The following ACAD10 variants were observed in gnomAD, a reference collection of about 807,000 sequenced individuals.
The protein encoded by ACAD10 is acyl-CoA dehydrogenase family member 10.
ACAD10 carries 112 observed loss-of-function variants against 116.8 expected under a neutral mutation model. The ratio of observed to expected loss-of-function variants is 0.96; its 90% CI spans 0.82 to 1.12. The LOEUF (loss-of-function observed/expected upper bound fraction) is 1.12. ACAD10 is among the 50% of genes most tolerant of loss of function. The pLI is 0.00. For missense variants in ACAD10, 1,259 were observed against 1,350.2 expected (o/e 0.93, Z 1.06); for synonymous variants, 486 against 510.6 (o/e 0.95, Z 0.65).
In ACAD10 at chr12:111,691,594, A is replaced by ATT. The variant is rs56715476; in HGVS notation, c.-13-1085_-13-1084dup. ...GGGAGCTGCTGCAGAAAGGAATGAG[A>ATT]TTTTTTTTTTTTTTTTTTTGAGATG... is the stretch of plus-strand genomic sequence containing the variant. On this transcript the variant is annotated intron_variant, in intron 1 of 20. Coordinates refer to ENST00000313698, the MANE Select transcript of ACAD10 (RefSeq NM_025247.6). 2.1e-3 allele frequency among the ~76,000 whole-genome samples: 282 copies of ATT among 132,192 alleles called. 1 individual carries two copies. The highest frequency in any genetic ancestry group is 7.1e-3 in the African/African-American group (251 of 35,304). The allele number at this position is 132,192 out of a possible 152,430, so 86.7% of individuals were successfully genotyped here. A position where few individuals can be genotyped will look rare whatever the true frequency, so the allele number is the denominator to read the frequency against.
intron 2 of ACAD10, among the ~76,000 whole-genome samples, chr12:111,697,385 G>C (rs1888218746): frequency 7.1e-6 from 1 of 141,216 alleles, no homozygotes; most frequent in Non-Finnish European, 1.5e-5. Flanking sequence ...TTTTGAGACA[G>C]AGCATCATTC....
intron 11 of ACAD10, among the ~76,000 whole-genome samples, chr12:111,736,133 G>A (rs1484680157): frequency 4.6e-5 from 7 of 150,716 alleles, no homozygotes; most frequent in Non-Finnish European, 8.8e-5. Context: ...TGCCCTCCTC[G>A]GCCTCCTAAA....
In ACAD10 at chr12:111,748,744, C is replaced by T. The variant is rs569417749; in HGVS notation, c.2644+269C>T. On this transcript the variant is annotated intron_variant, in intron 17 of 20. Coordinates refer to ENST00000313698, the MANE Select transcript of ACAD10 (RefSeq NM_025247.6). The stretch of plus-strand genomic sequence containing the variant: ...GACACAGGAAGCCATACAGGGCAGA[C>T]GCAGGAAGTGGACCCCAAACCTACT... The T allele has an allele frequency of 2.1e-4, 120 of 558,320 alleles. 2 individuals are homozygous for T. Among genetic ancestry groups the T allele is most frequent in the East Asian group, 1.0e-3 (31 of 29,780 alleles). The allele number at this position is 558,320 out of a possible 1,614,324, so 34.6% of individuals were successfully genotyped here.
chr12:111,748,515 T>TGGTCCC, intron 17 of ACAD10, 40 bp downstream of exon 17: 1 of 1,608,892 alleles, frequency 6.2e-7, no homozygotes, highest in Non-Finnish European at 8.5e-7. Context: ...GGTGTGGGTC[T>TGGTCCC]GGTCCCCAGG....
At chr12:111,746,393 T>G in intron 14 of ACAD10, 109 bp downstream of exon 14, 1 of 1,059,672 alleles carries the variant, frequency 9.4e-7, no homozygotes, top group Non-Finnish European at 1.3e-6. Context: ...AACTTGAACT[T>G]TTTTTTTTTT....
chr12:111,712,073 A>G (rs1888701933), intron 5 of ACAD10, among the ~76,000 whole-genome samples: 1 of 152,206 alleles, frequency 6.6e-6, no homozygotes. Flanking sequence ...AATTAGGACA[A>G]ATACAGAATG....
At chr12:111,730,427 A>G (rs371291949) in intron 10 of ACAD10, among the ~76,000 whole-genome samples, 24 of 151,974 alleles carry the variant, frequency 1.6e-4, no homozygotes, top group African/African-American at 5.3e-4. Context: ...GGACATTCTC[A>G]CTGGGTGTAA....
chr12:111,722,356 GC>G (rs1345983819), intron 8 of ACAD10, among the ~76,000 whole-genome samples: 5 of 150,210 alleles, frequency 3.3e-5, no homozygotes, highest in Non-Finnish European at 5.9e-5. Context: ...AAGCCACCGT[GC>G]CCGGCCCTAA....
At chr12:111,721,368 G>A (rs1300778411) in intron 7 of ACAD10, among the ~76,000 whole-genome samples, 1 of 152,168 alleles carries the variant, frequency 6.6e-6, no homozygotes, top group African/African-American at 2.4e-5. Context: ...AGGAATTTGA[G>A]AACAGCCTGG....
chr12:111,746,084 C>T lies in ACAD10; in HGVS notation c.2116-60C>T, dbSNP rs778502710. On this transcript the variant is annotated intron_variant, in intron 13 of 20. Coordinates refer to ENST00000313698, the MANE Select transcript of ACAD10 (RefSeq NM_025247.6). ...CTCCAATCCCTTTCATTGTTTTCCA[C>T]GGTTCAAAATAAAATGAAATCTTCC... The T allele has an allele frequency of 5.3e-5, 83 of 1,575,592 alleles. 1 individual carries two copies. In the Middle Eastern group the frequency reaches 1.4e-3, roughly 27 times the overall value.
At chr12:111,687,844 C>T (rs1887918966) in intron 1 of ACAD10, among the ~76,000 whole-genome samples, 1 of 151,812 alleles carries the variant, frequency 6.6e-6, no homozygotes, top group Non-Finnish European at 1.5e-5. Context: ...AACGAACATT[C>T]TTTATCTCTT....
intron 10 of ACAD10, among the ~76,000 whole-genome samples, chr12:111,731,150 G>A (rs1309865772): frequency 6.6e-6 from 1 of 152,174 alleles, no homozygotes; most frequent in African/African-American, 2.4e-5. Context: ...CTTGACCGGT[G>A]TCCCTCGCTC....
intron 10 of ACAD10, among the ~76,000 whole-genome samples, chr12:111,733,458 C>T (rs2135978362): frequency 6.6e-6 from 1 of 152,218 alleles, no homozygotes; most frequent in East Asian, 1.9e-4. Context: ...TGGGCAGAAG[C>T]TGTATCACGT....
At chr12:111,707,301 G>T (rs1333633164) in intron 4 of ACAD10, among the ~76,000 whole-genome samples, 1 of 150,454 alleles carries the variant, frequency 6.6e-6, no homozygotes, top group African/African-American at 2.5e-5. Flanking sequence ...TCACCCTGTT[G>T]GCCAGGGTGG....
In ACAD10 at chr12:111,747,464, G is replaced by A. The variant is rs1889945258; in HGVS notation, c.2485+79G>A. The A allele has an allele frequency of 6.3e-6, 10 of 1,590,936 alleles. No homozygotes were observed. In the South Asian group the frequency reaches 7.8e-5, roughly 12 times the overall value. On this transcript the variant is annotated intron_variant, in intron 16 of 20. Coordinates refer to ENST00000313698, the MANE Select transcript of ACAD10 (RefSeq NM_025247.6). ...AGGCGCGTCTCTCAATGCCTGGGAG[G>A]AGCCTCTGCTTTTTCAAGTTGACAC... is the stretch of plus-strand genomic sequence containing the variant.
chr12:111,747,246 A>G (rs750405949), intron 15 of ACAD10, 49 bp from the exon 16 acceptor site: 1 of 1,613,264 alleles, frequency 6.2e-7, no homozygotes, highest in East Asian at 2.2e-5. Context: ...CCCACAGGGA[A>G]CACGGGCTGT....
At chr12:111,748,944 T>C (rs1219826319) in intron 17 of ACAD10, 1 of 1,467,604 alleles carries the variant, frequency 6.8e-7, no homozygotes, top group Non-Finnish European at 9.3e-7. Flanking sequence ...ATTATGTTTT[T>C]ATAAAAGGAA....
chr12:111,705,618 C>A, intron 3 of ACAD10, 120 bp from the exon 4 acceptor site: 1 of 878,446 alleles, frequency 1.1e-6, no homozygotes, highest in Non-Finnish European at 1.8e-6. Flanking sequence ...AGCTATGAGC[C>A]TGGGCTCTTG....
Position 111,756,623 on chromosome 12 carries a change from T to C in ACAD10, c.*150T>C. 7.8e-7 allele frequency: 1 copy of C among 1,282,114 alleles called. No homozygotes were observed. The highest frequency in any genetic ancestry group is 1.3e-5 in the South Asian group (1 of 78,152). 79.4% of individuals were successfully genotyped at this position (1,282,114 alleles called of 1,614,324 possible). ...ACAGTCAGGGTGGACTCAATCTTTC[T>C]GGTTCTCCACAGAAGACGTCTCTGC... On this transcript the variant is annotated 3_prime_UTR_variant, in exon 21 of 21. Transcript: ENST00000313698.
Sources: gnomAD v4.1 joint callset for allele counts (sites outside exome capture counted in the v4.1 genomes callset) on GRCh38, gnomAD v4.1.1 for gene constraint, MANE v1.5 for transcripts, NCBI Gene and HGNC (gene_info 2026-07-23, HGNC 2026-07-21) for gene names.